The following BAHD1 variants were observed in gnomAD, a reference collection of about 807,000 sequenced individuals.
BAHD1 encodes the protein bromo adjacent homology domain-containing 1 protein.
BAHD1 carries 20 observed loss-of-function variants against 63.1 expected under a neutral mutation model. The observed-to-expected ratio is 0.32, with a 90% CI of 0.22 to 0.46. The LOEUF (loss-of-function observed/expected upper bound fraction) is 0.46, where lower values mean the gene tolerates loss of function less well. Ranked by LOEUF, BAHD1 falls within the 20% of genes least tolerant of loss-of-function variation. BAHD1 has a pLI of 1.00. For missense variants in BAHD1, 939 were observed against 1,071.8 expected (o/e 0.88, Z 1.73); for synonymous variants, 408 against 426.8 (o/e 0.96, Z 0.54).
chr15:40,445,256 TAAA>T (rs397937880), intron 1 of BAHD1, among the ~76,000 whole-genome samples: 7 of 113,702 alleles, frequency 6.2e-5, no homozygotes, highest in Non-Finnish European at 5.3e-5. Flanking sequence ...TCCTTTTGGG[TAAA>T]AAAAAAAAAA....
chr15:40,438,022 C>T (rs1893313811), upstream of BAHD1, among the ~76,000 whole-genome samples: 1 of 152,176 alleles, frequency 6.6e-6, no homozygotes, highest in African/African-American at 2.4e-5. Flanking sequence ...CCGGGAAAGA[C>T]TCCGGAGACC....
rs1216056139 is a variant in BAHD1, at chr15:40,443,960, T to G, written c.-15+2692T>G. ...ACTCCCACTTGAATCCCACTTGTCC[T>G]TAGTCTGGTTGTTGCTCAGACCACT... On this transcript the variant is annotated intron_variant, in intron 1 of 6. Coordinates refer to ENST00000416165, the MANE Select transcript of BAHD1 (RefSeq NM_014952.5). 9.2e-5 allele frequency among the ~76,000 whole-genome samples: 14 copies of G among 152,222 alleles called. No individual in the cohort carries two copies. The South Asian group carries it at 2.1e-3, about 22-fold the overall frequency.
At chr15:40,462,732 T>C (rs1894089141) in intron 3 of BAHD1, among the ~76,000 whole-genome samples, 1 of 152,102 alleles carries the variant, frequency 6.6e-6, no homozygotes, top group African/African-American at 2.4e-5. Context: ...GTGGCTCACA[T>C]CTGTAATCCC....
At position 40,461,943 on chromosome 15, in the gene BAHD1, T is replaced by G; in HGVS notation, c.1464T>G (p.Phe488Leu). ...GCAGATCCCTGGGCCAGTTGGAATT[T>G]CCTCTCCCGGAAGCTGGCCACCCAG... is the stretch of plus-strand genomic sequence containing the variant. Reference protein sequence around the residue: ...EGCRSLGQLEFPLPEAGHPAS... With the variant: ...EGCRSLGQLELPLPEAGHPAS... The change falls in exon 3 of 7, where the codon TTT becomes TTG. Residue 488 changes from phenylalanine (F) to leucine (L), a missense_variant. Physicochemically the swap from Phe to Leu is conservative, Grantham distance 22. Transcript: ENST00000416165. 6.2e-7 allele frequency: 1 copy of G among 1,607,508 alleles called. No individual in the cohort carries two copies. The highest frequency in any genetic ancestry group is 1.1e-5 in the South Asian group (1 of 90,590).
intron 1 of BAHD1, among the ~76,000 whole-genome samples, chr15:40,443,739 A>C (rs1435804608): frequency 6.6e-6 from 1 of 151,470 alleles, no homozygotes. Context: ...GGCCCTTCTG[A>C]TCCAGTCTGT....
At chr15:40,437,575 G>C (rs748080773), upstream of BAHD1, among the ~76,000 whole-genome samples, 1 of 152,196 alleles carries the variant, frequency 6.6e-6, no homozygotes, top group African/African-American at 2.4e-5. Context: ...CTGAGGAGCC[G>C]GGTGGCTCAG....
chr15:40,452,052 G>T (rs997448305), intron 1 of BAHD1, among the ~76,000 whole-genome samples: 9 of 152,228 alleles, frequency 5.9e-5, no homozygotes, highest in Non-Finnish European at 1.3e-4. Context: ...GATATGAGAG[G>T]TATACTCTTG....
chr15:40,438,130 G>C (rs1893315194), upstream of BAHD1, among the ~76,000 whole-genome samples: 1 of 152,214 alleles, frequency 6.6e-6, no homozygotes, highest in South Asian at 2.1e-4. Context: ...AAAGGTGATG[G>C]GCCCCAGGCG....
Position 40,464,113 on chromosome 15 carries a change from G to A in BAHD1, c.1975+93G>A, listed in dbSNP as rs1431609873. Reference sequence around the variant, plus strand: ...GCCCCTGCCTGGAGTTTGACCTGGCGTGAGTCTCCCCGTGTTCCTGGCACA... The same window carrying A: ...GCCCCTGCCTGGAGTTTGACCTGGCATGAGTCTCCCCGTGTTCCTGGCACA... On this transcript the variant is annotated intron_variant, in intron 4 of 6. Coordinates refer to ENST00000416165, the MANE Select transcript of BAHD1 (RefSeq NM_014952.5). The A allele has an allele frequency of 1.2e-5, 17 of 1,412,732 alleles. No individual in the cohort carries two copies. The East Asian group carries it at 1.4e-4, about 12-fold the overall frequency. The allele number at this position is 1,412,732 out of a possible 1,614,324, so 87.5% of individuals were successfully genotyped here.
intron 2 of BAHD1, 79 bp from the exon 3 acceptor site, chr15:40,461,833 G>GA: frequency 6.7e-7 from 1 of 1,498,130 alleles, no homozygotes; most frequent in Non-Finnish European, 8.9e-7. Flanking sequence ...TTAGAATTAA[G>GA]ACAGGAGCAG....
intron 2 of BAHD1, among the ~76,000 whole-genome samples, chr15:40,461,421 T>C (rs1894034687): frequency 6.6e-6 from 1 of 152,184 alleles, no homozygotes; most frequent in Non-Finnish European, 1.5e-5. Context: ...GCAGATTGCC[T>C]GAGCTCAGTA....
intron 1 of BAHD1, among the ~76,000 whole-genome samples, chr15:40,442,278 G>GC (rs1006597563): frequency 6.6e-5 from 10 of 152,056 alleles, no homozygotes; most frequent in African/African-American, 2.4e-4. Context: ...GGGCGACGGG[G>GC]CCGGACTCTG....
intron 1 of BAHD1, among the ~76,000 whole-genome samples, chr15:40,444,162 G>T (rs1383879213): frequency 1.3e-5 from 2 of 152,124 alleles, no homozygotes; most frequent in East Asian, 3.8e-4. Flanking sequence ...ACAGTGCTGT[G>T]CACATCATTT....
chr15:40,437,984 GGAGA>G (rs1041650380), upstream of BAHD1, among the ~76,000 whole-genome samples: 1 of 152,206 alleles, frequency 6.6e-6, no homozygotes, highest in African/African-American at 2.4e-5. Context: ...AGGTGTCTGG[GGAGA>G]GAGAGCCCCT....
chr15:40,455,701 A>G (rs1443454731), intron 1 of BAHD1, among the ~76,000 whole-genome samples: 1 of 152,174 alleles, frequency 6.6e-6, no homozygotes, highest in African/African-American at 2.4e-5. Flanking sequence ...AGCCCAGGTG[A>G]TCTCCACCTT....
intron 1 of BAHD1, among the ~76,000 whole-genome samples, chr15:40,449,584 G>A (rs1442197996): frequency 1.3e-5 from 2 of 152,036 alleles, no homozygotes; most frequent in African/African-American, 4.8e-5. Flanking sequence ...AGGATCACTT[G>A]AGGCTAGGAC....
At chr15:40,461,139 TCA>T (rs752102235) in intron 2 of BAHD1, among the ~76,000 whole-genome samples, 1 of 152,176 alleles carries the variant, frequency 6.6e-6, no homozygotes, top group African/African-American at 2.4e-5. Context: ...GCTCTGTGTC[TCA>T]GTTTTCTTAA....
In BAHD1 at chr15:40,464,074, T is replaced by C. The variant is rs1894132098; in HGVS notation, c.1975+54T>C. On this transcript the variant is annotated intron_variant, in intron 4 of 6. Transcript: ENST00000416165. ...GGGGCAGCTGCCTTCAGCAGAACTG[T>C]AGTCCCCAGATTGGCCCCTGCCTGG... The C allele has an allele frequency of 8.8e-6, 14 of 1,588,832 alleles. No homozygotes were observed. In the South Asian group the frequency reaches 1.6e-4, roughly 18 times the overall value.
chr15:40,442,139 G>A (rs1391392230), intron 1 of BAHD1, among the ~76,000 whole-genome samples: 1 of 152,192 alleles, frequency 6.6e-6, no homozygotes, highest in Admixed American at 6.5e-5. Flanking sequence ...TTCTGGGGCT[G>A]GGGGCCGGGT....
Sources: allele counts gnomAD v4.1 joint callset (sites outside exome capture counted in the v4.1 genomes callset), GRCh38; gene constraint gnomAD v4.1.1; transcripts MANE v1.5; gene names NCBI Gene and HGNC (gene_info 2026-07-23, HGNC 2026-07-21).